TMPRSS9: variants seen among roughly 807,000 people sequenced by gnomAD.
TMPRSS9 encodes the protein transmembrane protease serine 9.
TMPRSS9 carries 113 observed loss-of-function variants against 111.4 expected under a neutral mutation model. The ratio of observed to expected loss-of-function variants is 1.01; its 90% CI spans 0.87 to 1.19. TMPRSS9 has a LOEUF of 1.19. Ranked by LOEUF, TMPRSS9 falls within the 50% of genes most tolerant of loss-of-function variation. The pLI is 0.00. For missense variants in TMPRSS9, 1,803 were observed against 1,513.1 expected, an observed-to-expected ratio of 1.19 and a Z score of -3.18; for synonymous variants, 805 against 659.1, an observed-to-expected ratio of 1.22 and a Z score of -3.39.
chr19:2,364,682 C>T (rs756547259), intron 1 of TMPRSS9, among the ~76,000 whole-genome samples: 3 of 152,004 alleles, frequency 2.0e-5, no homozygotes, highest in Non-Finnish European at 2.9e-5. Flanking sequence ...CACCTTTGAC[C>T]ACAGAACAAA....
chr19:2,412,909 G>A (rs535022725), intron 9 of TMPRSS9, among the ~76,000 whole-genome samples: 70 of 152,168 alleles, frequency 4.6e-4, no homozygotes, highest in South Asian at 8.3e-4. Context: ...GAATGTAAGA[G>A]TCGGCCAGGC....
In TMPRSS9 at chr19:2,410,527, C is replaced by T. The variant is rs1971073865; in HGVS notation, c.1254+133C>T. 1.3e-5 allele frequency: 16 copies of T among 1,266,016 alleles called. 1 individual carries two copies. The Middle Eastern group carries it at 1.5e-3, about 122-fold the overall frequency. 78.4% of individuals were successfully genotyped at this position (1,266,016 alleles called of 1,614,324 possible). ...GCCCCAGACCCCAGAAAAACACAGA[C>T]ACGAGCGTGTTCAAATGCTGGGCGA... On this transcript the variant is annotated intron_variant, in intron 9 of 17. Transcript: ENST00000648592.
chr19:2,366,354 A>G (rs1817769498), intron 1 of TMPRSS9, among the ~76,000 whole-genome samples: 1 of 152,092 alleles, frequency 6.6e-6, no homozygotes, highest in Admixed American at 6.6e-5. Flanking sequence ...CTCAAAAACC[A>G]AAAAAGTAAA....
rs1221643971 is a variant in TMPRSS9, at chr19:2,391,033, AAGGGAGGG to A, written c.142+1122_142+1129del. Among the ~76,000 whole-genome samples the A allele has an allele frequency of 3.7e-4, 23 of 61,706 alleles. No homozygotes were observed. The East Asian group carries it at 3.8e-3, about 10-fold the overall frequency. 40.5% of individuals were successfully genotyped at this position (61,706 alleles called of 152,430 possible). A position where few individuals can be genotyped will look rare whatever the true frequency, so the allele number is the denominator to read the frequency against. On this transcript the variant is annotated intron_variant, in intron 1 of 17. Transcript: ENST00000648592. ...AATACAAGAAAGAAAGAAAGAAAGAAAGGGAGGGAGGGAGGGAGGGAGGCAGGCAGGCA... is the reference window on the plus strand; with the variant it reads ...AATACAAGAAAGAAAGAAAGAAAGAAAGGGAGGGAGGGAGGCAGGCAGGCA...
At chr19:2,422,667 C>T (rs1971493970) in intron 14 of TMPRSS9, among the ~76,000 whole-genome samples, 1 of 152,114 alleles carries the variant, frequency 6.6e-6, no homozygotes, top group South Asian at 2.1e-4. Flanking sequence ...GGGTGGATCG[C>T]CAGAGGTCAG....
chr19:2,379,177 TTCTC>T (rs1204860270), intron 1 of TMPRSS9, among the ~76,000 whole-genome samples: 338 of 125,138 alleles, frequency 2.7e-3, no homozygotes, highest in African/African-American at 5.7e-3. Flanking sequence ...CTGAGCTTCT[TTCTC>T]TTTTTTTTTT....
At chr19:2,421,958 C>T (rs761646435) in exon 14 of TMPRSS9, 103 of 1,613,020 alleles carry the variant, frequency 6.4e-5, no homozygotes, top group Middle Eastern at 1.6e-4. Context: ...AGAAGCCGGG[C>T]GTGTACACGC....
At chr19:2,408,458 C>T (rs1568183369) in exon 8 of TMPRSS9, 1 of 1,613,924 alleles carries the variant, frequency 6.2e-7, no homozygotes, top group Non-Finnish European at 8.5e-7. Flanking sequence ...TCGTCAAGCA[C>T]CCCCTGTACA....
At chr19:2,416,128 A>G (rs547482778) in intron 11 of TMPRSS9, 2 of 432,640 alleles carry the variant, frequency 4.6e-6, no homozygotes, top group South Asian at 9.2e-5. Context: ...GGTCCCAGCT[A>G]CTCAGGAGCG....
chr19:2,421,787 G>A (rs1411454131), intron 13 of TMPRSS9, 67 bp from the exon 15 acceptor site: 1 of 1,509,384 alleles, frequency 6.6e-7, no homozygotes, highest in Non-Finnish European at 8.9e-7. Flanking sequence ...GAACGCAGGA[G>A]GGTATGGCAG....
chr19:2,415,734 CG>C lies in TMPRSS9; in HGVS notation c.1642del (p.Glu548ArgfsTer8). The stretch of plus-strand genomic sequence containing the variant: ...TCGTGGGCGGGTTCGGAGCTGCCTC[CG>C]GGGAGGTGCCCTGGCAGGTCAGCCT... On this transcript the variant is annotated frameshift_variant, in exon 11 of 18. Coordinates refer to ENST00000648592, the Ensembl canonical transcript of TMPRSS9. LOFTEE classifies it high-confidence loss of function. 6.2e-7 allele frequency: 1 copy of C among 1,610,236 alleles called. No homozygotes were observed. Among genetic ancestry groups the C allele is most frequent in the Non-Finnish European group, 8.5e-7 (1 of 1,178,380 alleles).
At position 2,425,341 on chromosome 19, in the gene TMPRSS9, G is replaced by A. The variant is rs1311407208; in HGVS notation, c.2984-16G>A. Reference sequence around the variant, plus strand: ...ACGCGGTCCCCACCCGCCCCGTCTCGCTCGCCCGCCCGCAGGCTCCATGGC... The same window carrying A: ...ACGCGGTCCCCACCCGCCCCGTCTCACTCGCCCGCCCGCAGGCTCCATGGC... On this transcript the variant is annotated splice_polypyrimidine_tract_variant and intron_variant, in intron 16 of 17. Coordinates refer to ENST00000648592, the Ensembl canonical transcript of TMPRSS9. 2 of 1,455,790 alleles carry A rather than the reference G, an allele frequency of 1.4e-6. No individual in the cohort carries two copies. The highest frequency in any genetic ancestry group is 1.3e-5 in the South Asian group (1 of 77,818). 90.2% of individuals were successfully genotyped at this position (1,455,790 alleles called of 1,614,324 possible). A position where few individuals can be genotyped will look rare whatever the true frequency, so the allele number is the denominator to read the frequency against.
intron 7 of TMPRSS9, among the ~76,000 whole-genome samples, chr19:2,407,897 C>T (rs1971005061): frequency 6.6e-6 from 1 of 152,046 alleles, no homozygotes; most frequent in Non-Finnish European, 1.5e-5. Context: ...CAATTCTCTG[C>T]CTCAGCCTCC....
At chr19:2,393,152 C>T (rs1450159124) in intron 1 of TMPRSS9, among the ~76,000 whole-genome samples, 5 of 152,156 alleles carry the variant, frequency 3.3e-5, no homozygotes, top group African/African-American at 1.2e-4. Flanking sequence ...CCAGCAGCGG[C>T]AACCGGCTTG....
chr19:2,396,013 A>G (rs970858384), intron 1 of TMPRSS9, among the ~76,000 whole-genome samples: 4 of 152,314 alleles, frequency 2.6e-5, no homozygotes, highest in South Asian at 4.1e-4. Flanking sequence ...GTCTCAAACA[A>G]ACAAACACAA....
At chr19:2,377,541 TCCCCTCC>T (rs201036145) in intron 1 of TMPRSS9, among the ~76,000 whole-genome samples, 1 of 13,644 alleles carries the variant, frequency 7.3e-5, no homozygotes, top group African/African-American at 5.7e-4. Flanking sequence ...CTCTCCCCTC[TCCCCTCC>T]CCTCTCCCCT....
intron 6 of TMPRSS9, among the ~76,000 whole-genome samples, chr19:2,403,827 A>C (rs1970907285): frequency 6.6e-6 from 1 of 151,824 alleles, no homozygotes; most frequent in Admixed American, 6.6e-5. Flanking sequence ...CCCCCTCTCT[A>C]CTAAAAATAC....
At chr19:2,372,872 C>T (rs1296018486) in intron 1 of TMPRSS9, among the ~76,000 whole-genome samples, 1 of 152,144 alleles carries the variant, frequency 6.6e-6, no homozygotes, top group Non-Finnish European at 1.5e-5. Context: ...TGCTCTATCA[C>T]CCATGCTGGA....
At chr19:2,425,728 G>A in intron 17 of TMPRSS9, 199 bp from the exon 19 acceptor site, 1 of 1,144,498 alleles carries the variant, frequency 8.7e-7, no homozygotes, top group Non-Finnish European at 1.2e-6. Context: ...GGCTGCAGTG[G>A]GAGGCACCGT....
Sources: allele counts gnomAD v4.1 joint callset (sites outside exome capture counted in the v4.1 genomes callset), GRCh38; gene constraint gnomAD v4.1.1; transcripts MANE v1.5; gene names NCBI Gene and HGNC (gene_info 2026-07-23, HGNC 2026-07-21).